The following HERC1 variants were observed in gnomAD, a reference collection of about 807,000 sequenced individuals.
HERC1 encodes the protein HECT and RLD domain containing E3 ubiquitin protein ligase family member 1.
Under a neutral mutation model 554.3 loss-of-function variants are expected in HERC1, and 160 were observed. The ratio of observed to expected loss-of-function variants is 0.29; its 90% CI spans 0.25 to 0.33. HERC1 has a LOEUF of 0.33. Ranked by LOEUF, HERC1 falls within the 10% of genes least tolerant of loss-of-function variation. HERC1 has a pLI of 1.00. For synonymous variants in HERC1, 2,175 were observed against 2,131.7 expected, an observed-to-expected ratio of 1.02 and a Z score of -0.56; for missense variants, 4,919 against 5,918.5, an observed-to-expected ratio of 0.83 and a Z score of 5.54.
chr15:63,766,786 T>A (rs1346826923), intron 2 of HERC1, among the ~76,000 whole-genome samples: 1 of 151,510 alleles, frequency 6.6e-6, no homozygotes, highest in Non-Finnish European at 1.5e-5. Context: ...CAAGTAATTA[T>A]CCTGCCTCAG....
chr15:63,640,375 C>A lies in HERC1; in HGVS notation c.11678G>T (p.Gly3893Val). 1 of 1,613,790 alleles carries A rather than the reference C, an allele frequency of 6.2e-7. No individual in the cohort carries two copies. The highest frequency in any genetic ancestry group is 8.5e-7 in the Non-Finnish European group (1 of 1,179,776). ...ACACAACAGCTGATCCAGATGAAGT[C>A]CCACAGCAAGGGAAGCCAAGCATTG... is the stretch of plus-strand genomic sequence containing the variant. Reference protein sequence around the residue: ...YMQCLASLAVGLHLDQLLCNP... With the variant: ...YMQCLASLAVVLHLDQLLCNP... Residue 3893 changes from glycine (G) to valine (V), a missense_variant, in exon 61 of 78, where the codon GGA (glycine) becomes GTA (valine). Around this residue, in one of 11 missense-constraint regions of HERC1, gnomAD observed 1,963 missense variants for 2,228.6 expected, o/e 0.88. Transcript: ENST00000443617.
chr15:63,649,881 G>A lies in HERC1; in HGVS notation c.10591C>T (p.Leu3531=). The change falls in exon 54 of 78, where the codon CTG becomes TTG. Residue 3531 remains leucine, a synonymous_variant. Coordinates refer to ENST00000443617, the MANE Select transcript of HERC1 (RefSeq NM_003922.4). ...GCCGGACCCTCTTCTGGCCAAGCCAGGGCAGATACCCAATGAGGCTGAATA... is the reference window on the plus strand; with the variant it reads ...GCCGGACCCTCTTCTGGCCAAGCCAAGGCAGATACCCAATGAGGCTGAATA... ...VDIQPHWVSA[L]AWPEEGPATA... 1 of 1,612,226 alleles carries A rather than the reference G, an allele frequency of 6.2e-7. No homozygotes were observed. The highest frequency in any genetic ancestry group is 8.5e-7 in the Non-Finnish European group (1 of 1,179,182).
intron 75 of HERC1, 32 bp from the exon 76 acceptor site, chr15:63,615,952 C>T (rs747748584): frequency 9.1e-6 from 14 of 1,537,120 alleles, no homozygotes; most frequent in Admixed American, 2.2e-5. Context: ...ATTTTTATTA[C>T]ATGGTAGAAA....
chr15:63,695,452 C>T (rs1248366612), intron 27 of HERC1, among the ~76,000 whole-genome samples: 1 of 133,520 alleles, frequency 7.5e-6, no homozygotes, highest in African/African-American at 2.9e-5. Flanking sequence ...GTGGGGTGAT[C>T]TTCGCTCACT....
At chr15:63,787,789 C>G (rs2076504221) in intron 1 of HERC1, among the ~76,000 whole-genome samples, 1 of 151,608 alleles carries the variant, frequency 6.6e-6, no homozygotes, top group Non-Finnish European at 1.5e-5. Context: ...TATGGCAAAA[C>G]CCCGACTCTA....
intron 34 of HERC1, among the ~76,000 whole-genome samples, chr15:63,684,825 T>C (rs573508848): frequency 4.6e-5 from 7 of 152,296 alleles, no homozygotes; most frequent in South Asian, 4.1e-4. Context: ...CTGGCCAACA[T>C]GGCAAAACCC....
chr15:63,803,775 C>A (rs1302387793), intron 1 of HERC1, among the ~76,000 whole-genome samples: 1 of 152,128 alleles, frequency 6.6e-6, no homozygotes, highest in Non-Finnish European at 1.5e-5. Flanking sequence ...CAGAAACTTG[C>A]AAGGCAGGAA....
At chr15:63,671,550 G>A (rs753756678) in intron 39 of HERC1, among the ~76,000 whole-genome samples, 1 of 152,190 alleles carries the variant, frequency 6.6e-6, no homozygotes. Flanking sequence ...GACCACAGCA[G>A]TAATTCTCAA....
Position 63,625,929 on chromosome 15 carries a change from G to A in HERC1, c.13275+56C>T, listed in dbSNP as rs550919679. The A allele has an allele frequency of 2.9e-5, 45 of 1,547,322 alleles. No individual in the cohort carries two copies. In the East Asian group the frequency reaches 3.3e-4, roughly 11 times the overall value. ...CCCTGGGGCCTGGCGAGCATGTCACGGGCACTGCTTACCAAGCCAGTCTGT... is the reference window on the plus strand; with the variant it reads ...CCCTGGGGCCTGGCGAGCATGTCACAGGCACTGCTTACCAAGCCAGTCTGT... On this transcript the variant is annotated intron_variant, in intron 71 of 77. Coordinates refer to ENST00000443617, the MANE Select transcript of HERC1 (RefSeq NM_003922.4).
At chr15:63,635,157 C>T (rs994718965) in intron 65 of HERC1, among the ~76,000 whole-genome samples, 6 of 152,058 alleles carry the variant, frequency 3.9e-5, no homozygotes, top group African/African-American at 1.4e-4. Context: ...AAGCAATCCT[C>T]CCACCTCAGC....
chr15:63,818,303 A>G (rs555556678), intron 1 of HERC1, among the ~76,000 whole-genome samples: 1 of 152,304 alleles, frequency 6.6e-6, no homozygotes, highest in Admixed American at 6.5e-5. Flanking sequence ...GAGTTACTGC[A>G]TAAAGCACTC....
At chr15:63,777,828 TGA>T (rs2076158601) in intron 1 of HERC1, among the ~76,000 whole-genome samples, 2 of 152,212 alleles carry the variant, frequency 1.3e-5, no homozygotes, top group Non-Finnish European at 2.9e-5. Context: ...TTGATATTCT[TGA>T]GAGATTTTTT....
rs375654618 is a variant in HERC1, at chr15:63,763,787, A to G, written c.1026+309T>C. 7.2e-5 allele frequency among the ~76,000 whole-genome samples: 11 copies of G among 152,304 alleles called. No individual in the cohort carries two copies. The East Asian group carries it at 1.9e-3, about 27-fold the overall frequency. ...TACATATTAGAAGGGTATTTATTTT[A>G]TAATAATTCATTAAGCAATATATGT... On this transcript the variant is annotated intron_variant, in intron 3 of 77. Transcript: ENST00000443617.
chr15:63,774,838 T>A lies in HERC1; in HGVS notation c.786A>T (p.Arg262=). The change falls in exon 2 of 78, where the codon CGA becomes CGT. Residue 262 remains arginine (R), a synonymous_variant. Coordinates refer to ENST00000443617, the MANE Select transcript of HERC1 (RefSeq NM_003922.4). ...LGLAAQRGSL[R]YLLEWIEMAL... ...CCATTTCTATCCATTCAAGAAGATA[T>A]CGCAATGAGCCTCGTTGAGCTGCCA... The A allele has an allele frequency of 2.5e-6, 4 of 1,613,968 alleles. No individual in the cohort carries two copies. Among genetic ancestry groups the A allele is most frequent in the Non-Finnish European group, 3.4e-6 (4 of 1,179,888 alleles).
chr15:63,810,422 A>AT (rs1394454671), intron 1 of HERC1, among the ~76,000 whole-genome samples: 1 of 151,380 alleles, frequency 6.6e-6, no homozygotes, highest in African/African-American at 2.5e-5. Context: ...TTGTGTAAAA[A>AT]TAAAAAAAAA....
intron 12 of HERC1, among the ~76,000 whole-genome samples, chr15:63,743,432 T>A (rs1401143551): frequency 6.6e-6 from 1 of 151,898 alleles, no homozygotes; most frequent in Non-Finnish European, 1.5e-5. Flanking sequence ...CAGCTAATTT[T>A]TTTTGTATTT....
chr15:63,771,802 G>C lies in HERC1; in HGVS notation c.930+2892C>G, dbSNP rs186605036. Reference sequence around the variant, plus strand: ...ATATTATAGGGTATGGCTTTAGAGAGGAAGGAGGGAGGAACCTCCCTGACT... The same window carrying C: ...ATATTATAGGGTATGGCTTTAGAGACGAAGGAGGGAGGAACCTCCCTGACT... On this transcript the variant is annotated intron_variant, in intron 2 of 77. Coordinates refer to ENST00000443617, the MANE Select transcript of HERC1 (RefSeq NM_003922.4). Among the ~76,000 whole-genome samples the C allele has an allele frequency of 2.5e-3, 374 of 152,200 alleles. No homozygotes were observed. The Middle Eastern group carries it at 0.048, about 19-fold the overall frequency.
At chr15:63,661,673 C>T (rs1005803141) in intron 45 of HERC1, 80 bp downstream of exon 45, 62 of 1,428,168 alleles carry the variant, frequency 4.3e-5, no homozygotes, top group South Asian at 8.8e-5. Context: ...TAACTCCTCA[C>T]GTGAAAAATC....
In HERC1 at chr15:63,655,772, T is replaced by G. The variant is rs202195874; in HGVS notation, c.10054A>C (p.Asn3352His). 1.9e-6 allele frequency: 3 copies of G among 1,566,022 alleles called. No individual in the cohort carries two copies. Among genetic ancestry groups the G allele is most frequent in the East Asian group, 2.3e-5 (1 of 42,642 alleles). The change falls in exon 50 of 78, where the codon AAC becomes CAC. Residue 3352 changes from asparagine to histidine, a missense_variant. Physicochemically the swap from Asn to His is moderately conservative, Grantham distance 68 (BLOSUM62 1). Around this residue, in one of 11 missense-constraint regions of HERC1, gnomAD observed 1,963 missense variants for 2,228.6 expected, o/e 0.88. Coordinates refer to ENST00000443617, the MANE Select transcript of HERC1 (RefSeq NM_003922.4). ...TTTTCAACTTCTGACTTATCATAGT[T>G]AGGTCTTAGTTTGGCCCCTTTGTCT... ...LADKGAKLRP[N>H]YDKSEVEKKG... is the part of the protein sequence containing the mutation.
Sources: gnomAD v4.1 joint callset for allele counts (sites outside exome capture counted in the v4.1 genomes callset) on GRCh38, gnomAD v4.1.1 for gene constraint, gnomAD v4.1.1 regional missense constraint, MANE v1.5 for transcripts, NCBI Gene and HGNC (gene_info 2026-07-23, HGNC 2026-07-21) for gene names.